ARHGEF18: variants seen among roughly 807,000 people sequenced by gnomAD.
The protein encoded by ARHGEF18 is rho guanine nucleotide exchange factor 18.
ARHGEF18 carries 93 observed loss-of-function variants against 155.7 expected under a neutral mutation model. The ratio of observed to expected loss-of-function variants is 0.60; its 90% CI spans 0.50 to 0.71. ARHGEF18 has a LOEUF of 0.71. ARHGEF18 is among the 30% of genes least tolerant of loss of function. The pLI, the probability that ARHGEF18 is intolerant of heterozygous loss-of-function variation, is 0.00. For missense variants in ARHGEF18, 1,593 were observed against 1,816.1 expected, an observed-to-expected ratio of 0.88 and a Z score of 2.23; for synonymous variants, 742 against 753.1, an observed-to-expected ratio of 0.99 and a Z score of 0.24.
At chr19:7,456,292 CT>C in intron 17 of ARHGEF18, 34 bp from the exon 18 acceptor site, 1 of 1,608,466 alleles carries the variant, frequency 6.2e-7, no homozygotes, top group Non-Finnish European at 8.5e-7. Context: ...GGCTATGGGA[CT>C]TTTAAGATGC....
intron 10 of ARHGEF18, among the ~76,000 whole-genome samples, chr19:7,423,666 C>T (rs998767349): frequency 2.7e-5 from 4 of 150,610 alleles, no homozygotes; most frequent in Non-Finnish European, 2.9e-5. Flanking sequence ...GATCGCGCCA[C>T]TGCACTCTAG....
intron 10 of ARHGEF18, among the ~76,000 whole-genome samples, chr19:7,411,596 CGT>C: frequency 6.6e-6 from 1 of 152,106 alleles, no homozygotes; most frequent in Non-Finnish European, 1.5e-5. Context: ...TGTCAGCCAC[CGT>C]GCCCAGCCAA....
At chr19:7,352,961 T>A (rs1206846853) in intron 1 of ARHGEF18, among the ~76,000 whole-genome samples, 1 of 145,228 alleles carries the variant, frequency 6.9e-6, no homozygotes, top group Non-Finnish European at 1.5e-5. Flanking sequence ...CTCAGCCTCC[T>A]GAATAGCTGG....
chr19:7,411,024 C>T (rs1972645539), intron 10 of ARHGEF18, among the ~76,000 whole-genome samples: 3 of 152,100 alleles, frequency 2.0e-5, no homozygotes, highest in South Asian at 4.1e-4. Flanking sequence ...TTTTCAGCAT[C>T]TGCAATATCT....
At position 7,440,465 on chromosome 19, in the gene ARHGEF18, C is replaced by T. The variant is rs1192454668; in HGVS notation, c.1089C>T (p.Gly363=). 1 of 1,598,576 alleles carries T rather than the reference C, an allele frequency of 6.3e-7. No homozygotes were observed. Among genetic ancestry groups the T allele is most frequent in the Non-Finnish European group, 8.5e-7 (1 of 1,179,092 alleles). ...GGPQPTPSPA[G]PGTQLGPITG... is the part of the protein sequence containing the mutation. ...CCCAGCCAACACCGAGCCCGGCTGGCCCTGGGACGCAACTCGGGTAAGCCA... is the reference window on the plus strand; with the variant it reads ...CCCAGCCAACACCGAGCCCGGCTGGTCCTGGGACGCAACTCGGGTAAGCCA... The change falls in exon 11 of 29, where the codon GGC becomes GGT. Residue 363 remains glycine (G), a synonymous_variant. Coordinates refer to ENST00000668164, the MANE Select transcript of ARHGEF18 (RefSeq NM_001367823.1). This position sits in a 1 kb window ranked among gnomAD's most constrained non-coding sequence, Gnocchi z 5.4.
intron 2 of ARHGEF18, among the ~76,000 whole-genome samples, chr19:7,372,247 G>A (rs1213641013): frequency 1.3e-5 from 2 of 152,196 alleles, no homozygotes; most frequent in African/African-American, 4.8e-5. Context: ...GAGGAGTCAG[G>A]AAGGCAACCT....
chr19:7,389,676 G>A (rs1416506592), intron 10 of ARHGEF18, among the ~76,000 whole-genome samples: 5 of 151,814 alleles, frequency 3.3e-5, no homozygotes, highest in Non-Finnish European at 5.9e-5. Context: ...TGGGATTACA[G>A]GCGTATGCCA....
Position 7,440,042 on chromosome 19 carries a change from G to T in ARHGEF18, c.968-302G>T. 1.3e-6 allele frequency: 2 copies of T among 1,550,696 alleles called. No individual in the cohort carries two copies. The highest frequency in any genetic ancestry group is 1.7e-6 in the Non-Finnish European group (2 of 1,146,800). Reference sequence around the variant, plus strand: ...TGTTTTCTAGAAGGATCCCACCGAGGCATAAAAACGGCGCAGCCCAGCCTG... The same window carrying T: ...TGTTTTCTAGAAGGATCCCACCGAGTCATAAAAACGGCGCAGCCCAGCCTG... On this transcript the variant is annotated intron_variant, in intron 10 of 28. Transcript: ENST00000668164. The surrounding 1 kb of genome is among the most constrained non-coding windows in gnomAD (Gnocchi z 5.4).
chr19:7,438,408 C>CT (rs10546789), intron 10 of ARHGEF18, among the ~76,000 whole-genome samples: 218 of 142,652 alleles, frequency 1.5e-3, no homozygotes, highest in African/African-American at 3.2e-3. Flanking sequence ...GCCCAGATTT[C>CT]TTTTTTTTTT....
chr19:7,380,457 T>G (rs1050148184), intron 7 of ARHGEF18, among the ~76,000 whole-genome samples: 92 of 141,894 alleles, frequency 6.5e-4, no homozygotes, highest in African/African-American at 2.2e-3. Flanking sequence ...CCAGCCTGGG[T>G]GACAGAGCGA....
At chr19:7,380,844 C>T in intron 7 of ARHGEF18, 73 bp from the exon 8 acceptor site, 2 of 1,020,096 alleles carry the variant, frequency 2.0e-6, no homozygotes, top group East Asian at 3.3e-5. Flanking sequence ...TATGCCTGTA[C>T]TCGGTAGCAC....
chr19:7,396,379 G>A (rs545663188), intron 10 of ARHGEF18, among the ~76,000 whole-genome samples: 17 of 152,238 alleles, frequency 1.1e-4, no homozygotes, highest in Middle Eastern at 3.4e-3. Flanking sequence ...CAAGGGATGA[G>A]TTTTGCAGGT....
At chr19:7,353,949 ACT>A (rs1388696563) in intron 1 of ARHGEF18, among the ~76,000 whole-genome samples, 1 of 111,630 alleles carries the variant, frequency 9.0e-6, no homozygotes, top group Non-Finnish European at 1.8e-5. Flanking sequence ...ACAGAGCAAG[ACT>A]CTGTCTAAAA....
At chr19:7,393,703 A>C (rs558315591) in intron 10 of ARHGEF18, among the ~76,000 whole-genome samples, 1 of 151,680 alleles carries the variant, frequency 6.6e-6, no homozygotes, top group East Asian at 1.9e-4. Context: ...ACATCTGCCA[A>C]ATAGCACCTG....
At chr19:7,369,102 G>A (rs1281445600) in intron 2 of ARHGEF18, among the ~76,000 whole-genome samples, 2 of 152,136 alleles carry the variant, frequency 1.3e-5, no homozygotes, top group East Asian at 1.9e-4. Context: ...GGCCGAGGCG[G>A]GTGAATCATG....
At chr19:7,388,540 G>A (rs1971208198) in intron 10 of ARHGEF18, among the ~76,000 whole-genome samples, 1 of 151,930 alleles carries the variant, frequency 6.6e-6, no homozygotes, top group Non-Finnish European at 1.5e-5. Context: ...CTGAGCCCCC[G>A]ATCACCAATC....
Position 7,467,625 on chromosome 19 carries a change from C to T in ARHGEF18, c.3421C>T (p.Arg1141Cys), listed in dbSNP as rs1248261022. The T allele has an allele frequency of 2.0e-6, 3 of 1,514,954 alleles. No homozygotes were observed. Among genetic ancestry groups the T allele is most frequent in the Non-Finnish European group, 2.6e-6 (3 of 1,139,268 alleles). The allele number at this position is 1,514,954 out of a possible 1,614,324, so 93.8% of individuals were successfully genotyped here. Residue 1141 changes from arginine (R) to cysteine (C), a missense_variant, in exon 26 of 29, where the codon CGC becomes TGC. Arg to Cys is a radical substitution (Grantham distance 180). Coordinates refer to ENST00000668164, the MANE Select transcript of ARHGEF18 (RefSeq NM_001367823.1). ...ERERERLELL[R>C]RLKKQNTAPG... ...CGAGCGGGAGCGCCTGGAGCTGCTG[C>T]GCCGCCTCAAGAAGCAGAACACCGC... is the stretch of plus-strand genomic sequence containing the variant.
intron 7 of ARHGEF18, among the ~76,000 whole-genome samples, chr19:7,380,352 G>A (rs1970670759): frequency 1.3e-5 from 2 of 151,720 alleles, no homozygotes; most frequent in South Asian, 2.1e-4. Context: ...GGTGGCAGGC[G>A]CCTGTAGTCC....
Position 7,349,252 on chromosome 19 carries a change from A to G in ARHGEF18, c.-111+11A>G. The G allele has an allele frequency of 6.6e-6, 1 of 152,468 alleles. No individual in the cohort carries two copies. The highest frequency in any genetic ancestry group is 1.5e-5 in the Non-Finnish European group (1 of 68,148). The allele number at this position is 152,468 out of a possible 1,614,324, so 9.4% of individuals were successfully genotyped here. On this transcript the variant is annotated intron_variant, in intron 1 of 28. Coordinates refer to ENST00000668164, the MANE Select transcript of ARHGEF18 (RefSeq NM_001367823.1). ...ACTGAGCTCTATCTGGTAAGTACTTATCCTGGGAAGTGGAGAGAGATGGAC... is the reference window on the plus strand; with the variant it reads ...ACTGAGCTCTATCTGGTAAGTACTTGTCCTGGGAAGTGGAGAGAGATGGAC...
Sources: gnomAD v4.1 joint callset for allele counts (sites outside exome capture counted in the v4.1 genomes callset) on GRCh38, gnomAD v4.1.1 for gene constraint, Gnocchi (gnomAD v3.1) non-coding constraint, MANE v1.5 for transcripts, NCBI Gene and HGNC (gene_info 2026-07-23, HGNC 2026-07-21) for gene names.